SPATA16: variants seen among roughly 807,000 people sequenced by gnomAD.
SPATA16 encodes the protein spermatogenesis associated 16.
SPATA16 carries 36 observed loss-of-function variants against 63.3 expected under a neutral mutation model. The ratio of observed to expected loss-of-function variants is 0.57; its 90% CI spans 0.44 to 0.75. The LOEUF (loss-of-function observed/expected upper bound fraction) is 0.75. SPATA16 is among the 30% of genes least tolerant of loss of function. SPATA16 has a pLI of 0.00. For missense variants in SPATA16, 646 were observed against 679.3 expected (o/e 0.95, Z 0.54); for synonymous variants, 203 against 216.7 (o/e 0.94, Z 0.56).
intron 4 of SPATA16, among the ~76,000 whole-genome samples, chr3:172,996,689 C>G (rs879838940): frequency 2.1e-4 from 32 of 152,062 alleles, no homozygotes; most frequent in South Asian, 2.1e-4. Flanking sequence ...ATAGTTCACT[C>G]TTGGTGTTAT....
intron 10 of SPATA16, among the ~76,000 whole-genome samples, chr3:172,913,055 A>C (rs1732406479): frequency 6.6e-6 from 1 of 152,172 alleles, no homozygotes; most frequent in Non-Finnish European, 1.5e-5. Context: ...ATCAGAACTT[A>C]ATACTTTGAG....
chr3:172,913,824 T>TA, intron 9 of SPATA16, 80 bp from the exon 10 acceptor site: 1 of 1,241,818 alleles, frequency 8.1e-7, no homozygotes, highest in Non-Finnish European at 1.2e-6. Flanking sequence ...AAAACCTAAT[T>TA]AAAAAATCAT....
At chr3:173,128,542 TG>T (rs1405239096) in intron 1 of SPATA16, among the ~76,000 whole-genome samples, 1 of 152,158 alleles carries the variant, frequency 6.6e-6, no homozygotes, top group Non-Finnish European at 1.5e-5. Context: ...GGAATTTGCA[TG>T]TTTAGTAAGC....
At chr3:173,100,414 TAAAAAC>T (rs975347000) in intron 2 of SPATA16, among the ~76,000 whole-genome samples, 27 of 151,924 alleles carry the variant, frequency 1.8e-4, no homozygotes, top group Non-Finnish European at 3.4e-4. Context: ...ATAATTGAAA[TAAAAAC>T]AAAAAAAACC....
intron 5 of SPATA16, among the ~76,000 whole-genome samples, chr3:172,968,896 A>G (rs1225451907): frequency 6.6e-6 from 1 of 152,242 alleles, no homozygotes; most frequent in Non-Finnish European, 1.5e-5. Flanking sequence ...ATAAACAGGA[A>G]TGAATAATTA....
intron 4 of SPATA16, among the ~76,000 whole-genome samples, chr3:173,014,859 T>C (rs942433300): frequency 6.6e-6 from 1 of 152,178 alleles, no homozygotes; most frequent in African/African-American, 2.4e-5. Flanking sequence ...AGGTATCTAG[T>C]TTGAAAGATT....
At chr3:172,924,142 C>T in intron 8 of SPATA16, 66 bp downstream of exon 8, 1 of 1,303,546 alleles carries the variant, frequency 7.7e-7, no homozygotes, top group Non-Finnish European at 1.1e-6. Context: ...CCATGTAAGC[C>T]TTATATACTT....
At chr3:172,986,043 T>C (rs1320703822) in intron 4 of SPATA16, among the ~76,000 whole-genome samples, 1 of 152,176 alleles carries the variant, frequency 6.6e-6, no homozygotes, top group Non-Finnish European at 1.5e-5. Context: ...TTGTGTTTAA[T>C]AGGGACAGTG....
chr3:173,078,917 G>A (rs1406868838), intron 2 of SPATA16, among the ~76,000 whole-genome samples: 3 of 152,062 alleles, frequency 2.0e-5, no homozygotes, highest in Non-Finnish European at 4.4e-5. Context: ...AAGAAAACAG[G>A]TCTGCAGACA....
At chr3:172,939,362 A>AT (rs560442449) in intron 6 of SPATA16, among the ~76,000 whole-genome samples, 144 of 152,314 alleles carry the variant, frequency 9.5e-4, no homozygotes, top group Non-Finnish European at 1.6e-3. Flanking sequence ...GGGGATTTTA[A>AT]AAAGCTGGAA....
intron 3 of SPATA16, among the ~76,000 whole-genome samples, chr3:173,031,922 A>G (rs1403508343): frequency 6.6e-6 from 1 of 152,160 alleles, no homozygotes; most frequent in African/African-American, 2.4e-5. Flanking sequence ...GTATTAGACC[A>G]TAAAATTAGA....
At chr3:172,967,192 T>C (rs937659939) in intron 5 of SPATA16, among the ~76,000 whole-genome samples, 1 of 152,208 alleles carries the variant, frequency 6.6e-6, no homozygotes, top group African/African-American at 2.4e-5. Context: ...TAAGCGCATA[T>C]CTTTCTCAAA....
rs142992554 is a variant in SPATA16, at chr3:172,954,270, G to A, written c.1081+2407C>T. Among the ~76,000 whole-genome samples, 7 of 152,306 alleles carry A rather than the reference G, an allele frequency of 4.6e-5. No individual in the cohort carries two copies. In the East Asian group the frequency reaches 1.3e-3, roughly 29 times the overall value. On this transcript the variant is annotated intron_variant, in intron 6 of 10. Coordinates refer to ENST00000351008, the MANE Select transcript of SPATA16 (RefSeq NM_031955.6). ...ATCACGCCTTACATGGCAGCAGGCA[G>A]GAGAACTTGTGCAGGGGAACTCCCA...
intron 8 of SPATA16, among the ~76,000 whole-genome samples, chr3:172,920,202 T>C (rs1732588519): frequency 6.6e-6 from 1 of 152,226 alleles, no homozygotes; most frequent in Non-Finnish European, 1.5e-5. Context: ...AGCCACAGTT[T>C]CCTCATTGGT....
At chr3:173,064,615 G>A (rs1262535631) in intron 2 of SPATA16, among the ~76,000 whole-genome samples, 1 of 152,160 alleles carries the variant, frequency 6.6e-6, no homozygotes, top group Non-Finnish European at 1.5e-5. Flanking sequence ...CTCTAGGATG[G>A]AGTTAACTCT....
intron 2 of SPATA16, among the ~76,000 whole-genome samples, chr3:173,089,827 CACATGGGCCCTT>C (rs1201904920): frequency 7.2e-5 from 11 of 152,150 alleles, no homozygotes; most frequent in African/African-American, 2.4e-4. Context: ...CAGGACTCAG[CACATGGGCCCTT>C]ACTGGAAGAC....
intron 6 of SPATA16, among the ~76,000 whole-genome samples, chr3:172,931,292 G>A (rs1375520734): frequency 6.6e-6 from 1 of 152,182 alleles, no homozygotes; most frequent in Non-Finnish European, 1.5e-5. Context: ...TTATGCTGGA[G>A]TGCAGTAATG....
chr3:173,093,155 G>A (rs1290541729), intron 2 of SPATA16, among the ~76,000 whole-genome samples: 1 of 151,564 alleles, frequency 6.6e-6, no homozygotes, highest in East Asian at 1.9e-4. Context: ...CCAATTCTAA[G>A]ACTATGTTCT....
intron 10 of SPATA16, among the ~76,000 whole-genome samples, chr3:172,895,985 T>C (rs190821906): frequency 1.1e-4 from 17 of 148,992 alleles, no homozygotes; most frequent in African/African-American, 4.0e-4. Context: ...AGCTGCATAT[T>C]TAATTTTTTT....
Sources: gnomAD v4.1 joint callset for allele counts (sites outside exome capture counted in the v4.1 genomes callset) on GRCh38, gnomAD v4.1.1 for gene constraint, MANE v1.5 for transcripts, NCBI Gene and HGNC (gene_info 2026-07-23, HGNC 2026-07-21) for gene names.